CDH13: variants seen among roughly 807,000 people sequenced by gnomAD.
CDH13 encodes the protein cadherin-13.
CDH13 carries 24 observed loss-of-function variants against 63.8 expected under a neutral mutation model. The ratio of observed to expected loss-of-function variants is 0.38; its 90% confidence interval spans 0.27 to 0.53. CDH13 has a LOEUF of 0.53. Ranked by LOEUF, CDH13 falls within the 20% of genes least tolerant of loss-of-function variation. CDH13 has a pLI of 0.85. For missense variants in CDH13, 1,049 were observed against 903.1 expected, an observed-to-expected ratio of 1.16 and a Z score of -2.07; for synonymous variants, 503 against 355.3, an observed-to-expected ratio of 1.42 and a Z score of -4.67.
chr16:83,274,943 G>A (rs1305347270), intron 5 of CDH13, among the ~76,000 whole-genome samples: 1 of 152,146 alleles, frequency 6.6e-6, no homozygotes, highest in African/African-American at 2.4e-5. Context: ...ATCTCAGTGA[G>A]CCCTCCTCTG....
intron 7 of CDH13, among the ~76,000 whole-genome samples, chr16:83,557,667 A>T (rs967986656): frequency 2.0e-5 from 3 of 152,058 alleles, no homozygotes; most frequent in African/African-American, 7.2e-5. Flanking sequence ...TCTGGGAGGT[A>T]CTGGGAGGTG....
intron 5 of CDH13, among the ~76,000 whole-genome samples, chr16:83,259,416 C>T (rs999848214): frequency 6.6e-6 from 1 of 152,010 alleles, no homozygotes; most frequent in Non-Finnish European, 1.5e-5. Context: ...GAGAACAGCC[C>T]CTCAGGTATG....
At chr16:82,634,923 G>T (rs1368435222) in intron 1 of CDH13, among the ~76,000 whole-genome samples, 2 of 152,208 alleles carry the variant, frequency 1.3e-5, no homozygotes, top group African/African-American at 4.8e-5. Context: ...AGCACCACTT[G>T]TGTGTGCAGG....
chr16:83,312,938 C>G lies in CDH13; in HGVS notation c.637-31924C>G, dbSNP rs369767829. ...TTGCCTTGGTATTAGATACACCATT[C>G]CAAAGCCCGCTGTAAAGCATAAGTT... On this transcript the variant is annotated intron_variant, in intron 5 of 13. Coordinates refer to ENST00000567109, the MANE Select transcript of CDH13 (RefSeq NM_001257.5). Among the ~76,000 whole-genome samples, 8 of 152,296 alleles carry G rather than the reference C, an allele frequency of 5.3e-5. No individual in the cohort carries two copies. The East Asian group carries it at 1.4e-3, about 26-fold the overall frequency.
chr16:83,089,540 G>C (rs142032670), intron 3 of CDH13, among the ~76,000 whole-genome samples: 274 of 152,336 alleles, frequency 1.8e-3, no homozygotes, highest in Middle Eastern at 0.01. Context: ...GACCAGACAG[G>C]AGTCCTGCAG....
rs7191661 is a variant in CDH13, at chr16:82,789,014, C to T, written c.46-69348C>T. 2.0e-3 allele frequency among the ~76,000 whole-genome samples: 298 copies of T among 152,296 alleles called. 1 individual carries two copies. Among genetic ancestry groups the T allele is most frequent in the African/African-American group, 6.9e-3 (288 of 41,556 alleles). On this transcript the variant is annotated intron_variant, in intron 1 of 13. Transcript: ENST00000567109. ...TTGTATGTTTCCTTTTTGGACTCAC[C>T]TCTGGGTTGCAAAGGAGGTTGCTCT...
At chr16:82,718,079 A>G (rs2032510171) in intron 1 of CDH13, among the ~76,000 whole-genome samples, 1 of 152,342 alleles carries the variant, frequency 6.6e-6, no homozygotes, top group South Asian at 2.1e-4. Context: ...AGGTGATCTC[A>G]GGAAACCGGT....
chr16:83,296,507 A>C (rs1011672920), intron 5 of CDH13, among the ~76,000 whole-genome samples: 1 of 152,176 alleles, frequency 6.6e-6, no homozygotes, highest in African/African-American at 2.4e-5. Context: ...AGACTAGGAA[A>C]TGGTAGACCT....
chr16:83,489,762 T>A (rs150522488), intron 7 of CDH13, among the ~76,000 whole-genome samples: 15 of 152,300 alleles, frequency 9.8e-5, no homozygotes, highest in African/African-American at 3.1e-4. Flanking sequence ...CTGTCTTAGG[T>A]GTGGTTTTAA....
chr16:82,813,048 T>G (rs1223761735), intron 1 of CDH13, among the ~76,000 whole-genome samples: 1 of 152,120 alleles, frequency 6.6e-6, no homozygotes, highest in Admixed American at 6.6e-5. Flanking sequence ...TGTAACACTT[T>G]TAAAGGTAGT....
intron 5 of CDH13, among the ~76,000 whole-genome samples, chr16:83,343,135 T>C (rs957570886): frequency 6.6e-6 from 1 of 152,116 alleles, no homozygotes; most frequent in African/African-American, 2.4e-5. Context: ...TGTATGTCTG[T>C]GTGTGAATTT....
At chr16:83,281,318 T>C (rs1259927346) in intron 5 of CDH13, among the ~76,000 whole-genome samples, 2 of 149,724 alleles carry the variant, frequency 1.3e-5, no homozygotes, top group African/African-American at 5.1e-5. Flanking sequence ...TTCAGACTTT[T>C]CTTCTGCAGA....
intron 6 of CDH13, among the ~76,000 whole-genome samples, chr16:83,454,144 C>T (rs1210081686): frequency 1.3e-5 from 2 of 152,170 alleles, no homozygotes; most frequent in African/African-American, 4.8e-5. Flanking sequence ...TTAGCAACTG[C>T]AAGTATGCAA....
rs563366962 is a variant in CDH13 at position 82,766,467 on chromosome 16, C to G, written c.46-91895C>G. 3.3e-5 allele frequency among the ~76,000 whole-genome samples: 5 copies of G among 152,324 alleles called. No homozygotes were observed. In the East Asian group the frequency reaches 9.6e-4, roughly 29 times the overall value. ...CAAAGATGCCACATGGATTCTGGAT[C>G]AGTCAGACCTGGGTTGGAATCCTGA... On this transcript the variant is annotated intron_variant, in intron 1 of 13. Transcript: ENST00000567109.
At chr16:83,269,773 C>T (rs557014443) in intron 5 of CDH13, among the ~76,000 whole-genome samples, 1 of 152,172 alleles carries the variant, frequency 6.6e-6, no homozygotes, top group Non-Finnish European at 1.5e-5. Flanking sequence ...ACCAGGTAAT[C>T]CTAGACATAT....
chr16:83,487,086 C>G (rs2073906612), intron 7 of CDH13, among the ~76,000 whole-genome samples: 1 of 152,116 alleles, frequency 6.6e-6, no homozygotes. Context: ...TTCTCCAACC[C>G]TTTGCTGCAG....
At chr16:83,429,019 C>A (rs1351299674) in intron 6 of CDH13, among the ~76,000 whole-genome samples, 1 of 152,204 alleles carries the variant, frequency 6.6e-6, no homozygotes, top group Non-Finnish European at 1.5e-5. Context: ...GGGGAAGTAT[C>A]TTCTTTTCTT....
chr16:83,672,409 C>CTCTTTT (rs1914579088), intron 9 of CDH13, among the ~76,000 whole-genome samples: 3 of 35,108 alleles, frequency 8.5e-5, no homozygotes, highest in African/African-American at 1.1e-4. Context: ...TCTGGATTCT[C>CTCTTTT]TTTTTTTTTT....
At chr16:82,959,967 AT>A (rs869280015) in intron 2 of CDH13, among the ~76,000 whole-genome samples, 2 of 152,190 alleles carry the variant, frequency 1.3e-5, no homozygotes, top group African/African-American at 2.4e-5. Flanking sequence ...GTGTTGTTTT[AT>A]TTTTTAAAAA....
Sources: gnomAD v4.1 joint callset for allele counts (sites outside exome capture counted in the v4.1 genomes callset) on GRCh38, gnomAD v4.1.1 for gene constraint, MANE v1.5 for transcripts, NCBI Gene and HGNC (gene_info 2026-07-23, HGNC 2026-07-21) for gene names.